The following SRGAP2 variants were observed in gnomAD, a reference collection of about 807,000 sequenced individuals.
SRGAP2 encodes SLIT-ROBO Rho GTPase-activating protein 2.
SRGAP2 carries 15 observed loss-of-function variants against 57.2 expected under a neutral mutation model. That is an observed-to-expected ratio of 0.26 (90% CI 0.18 to 0.40). The LOEUF is 0.40. Among genes scored for constraint, SRGAP2 ranks in the 10% least tolerant of loss-of-function variants. The pLI, the probability that SRGAP2 is intolerant of heterozygous loss-of-function variation, is 1.00. For synonymous variants in SRGAP2, 249 were observed against 248.0 expected (o/e 1.00, Z -0.04); for missense variants, 520 against 669.6 (o/e 0.78, Z 2.47).
chr1:206,369,540 CT>C (rs1448505007), intron 4 of SRGAP2, among the ~76,000 whole-genome samples: 2 of 152,178 alleles, frequency 1.3e-5, no homozygotes, highest in Non-Finnish European at 2.9e-5. Context: ...ATAAAGAATT[CT>C]TAGAACTCAG....
At chr1:206,428,092 A>G (rs558070383) in intron 13 of SRGAP2, among the ~76,000 whole-genome samples, 1 of 151,052 alleles carries the variant, frequency 6.6e-6, no homozygotes, top group Admixed American at 6.6e-5. Flanking sequence ...ACAGAGGGAA[A>G]CCCTGTCTCT....
Position 206,364,299 on chromosome 1 carries a change from CT to C in SRGAP2, c.424-19695del, listed in dbSNP as rs1194605542. On this transcript the variant is annotated intron_variant, in intron 4 of 22. Transcript: ENST00000573034. ...TCTATATAACCTCTGGGTTGCTCTT[CT>C]TTTTTTTTTTTTTTTTTTTGAGATG... Among the ~76,000 whole-genome samples the C allele has an allele frequency of 3.5e-3, 415 of 118,582 alleles. 1 individual carries two copies. The highest frequency in any genetic ancestry group is 0.011 in the African/African-American group (342 of 30,038). 77.8% of individuals were successfully genotyped at this position (118,582 alleles called of 152,430 possible).
At chr1:206,227,052 G>A in intron 2 of SRGAP2, among the ~76,000 whole-genome samples, 1 of 152,138 alleles carries the variant, frequency 6.6e-6, no homozygotes, top group East Asian at 1.9e-4. Flanking sequence ...GCCAAGTTGA[G>A]CACATTGGGG....
At chr1:206,314,210 C>A (rs1672900214) in intron 3 of SRGAP2, among the ~76,000 whole-genome samples, 1 of 151,316 alleles carries the variant, frequency 6.6e-6, no homozygotes, top group Admixed American at 6.6e-5. Flanking sequence ...TCTCAGCTCA[C>A]TGCATCCTCT....
rs201701137 is a variant in SRGAP2, at chr1:206,262,881, G to T, written c.68-40400G>T. On this transcript the variant is annotated intron_variant, in intron 2 of 22. Transcript: ENST00000573034. Reference sequence around the variant, plus strand: ...TGAACAGGGTTTTATCGTGGGTTTTGTTTTTTTTTTTTTTGTCTTCTGAAA... The same window carrying T: ...TGAACAGGGTTTTATCGTGGGTTTTTTTTTTTTTTTTTTTGTCTTCTGAAA... Among the ~76,000 whole-genome samples, 211 of 63,508 alleles carry T rather than the reference G, an allele frequency of 3.3e-3. 9 individuals are homozygous for T. The highest frequency in any genetic ancestry group is 6.5e-3 in the Admixed American group (42 of 6,448). The allele number at this position is 63,508 out of a possible 152,430, so 41.7% of individuals were successfully genotyped here. A position where few individuals can be genotyped will look rare whatever the true frequency, so the allele number is the denominator to read the frequency against.
At chr1:206,360,600 A>T (rs1676834816) in intron 4 of SRGAP2, among the ~76,000 whole-genome samples, 1 of 152,222 alleles carries the variant, frequency 6.6e-6, no homozygotes, top group African/African-American at 2.4e-5. Flanking sequence ...ATTCTGGGAT[A>T]TATTTTGAAG....
At chr1:206,327,622 A>G (rs1465835556) in intron 3 of SRGAP2, among the ~76,000 whole-genome samples, 1 of 122,020 alleles carries the variant, frequency 8.2e-6, no homozygotes, top group Admixed American at 8.5e-5. Flanking sequence ...CATGTGTGTT[A>G]GGCAGGGCAG....
rs116340034 is a variant in SRGAP2, at chr1:206,429,213, T to C, written c.1495-949T>C. ...GTGAAGCAAAACAACAGAGCAAAGA[T>C]TGACATCTGGGAGGCCTGCTTCTTT... On this transcript the variant is annotated intron_variant, in intron 13 of 22. Coordinates refer to ENST00000573034, the MANE Select transcript of SRGAP2 (RefSeq NM_015326.5). 9.9e-3 allele frequency among the ~76,000 whole-genome samples: 1,504 copies of C among 152,284 alleles called. 32 individuals are homozygous for C. Among genetic ancestry groups the C allele is most frequent in the African/African-American group, 0.035 (1,435 of 41,544 alleles).
intron 2 of SRGAP2, among the ~76,000 whole-genome samples, chr1:206,298,826 G>A (rs1671726007): frequency 6.6e-6 from 1 of 152,016 alleles, no homozygotes; most frequent in South Asian, 2.1e-4. Context: ...CGCTATTGAT[G>A]ATTTTTAAAT....
At chr1:206,452,909 A>AAAG (rs1663459423) in intron 19 of SRGAP2, among the ~76,000 whole-genome samples, 12 of 147,438 alleles carry the variant, frequency 8.1e-5, no homozygotes, top group African/African-American at 3.1e-4. Flanking sequence ...AAAAAAAAAA[A>AAAG]TGGGATGCTT....
rs1417608297 is a variant in SRGAP2 at position 206,313,174 on chromosome 1, C to T, written c.260+9701C>T. Among the ~76,000 whole-genome samples, 5 of 142,268 alleles carry T rather than the reference C, an allele frequency of 3.5e-5. No homozygotes were observed. The South Asian group carries it at 1.2e-3, about 34-fold the overall frequency. The allele number at this position is 142,268 out of a possible 152,430, so 93.3% of individuals were successfully genotyped here. A position where few individuals can be genotyped will look rare whatever the true frequency, so the allele number is the denominator to read the frequency against. On this transcript the variant is annotated intron_variant, in intron 3 of 22. Transcript: ENST00000573034. The stretch of plus-strand genomic sequence containing the variant: ...GTCAGTATCTTTTCAGCGTTTCTCC[C>T]AGCTTCTTTCTCTCCTCAACACATA...
Position 206,432,467 on chromosome 1 carries a change from C to T in SRGAP2, c.1555+2245C>T, listed in dbSNP as rs188395205. On this transcript the variant is annotated intron_variant, in intron 14 of 22. Transcript: ENST00000573034. Reference sequence around the variant, plus strand: ...ATCTCCAACAATACAAAAATGCATGCGCACAAGGTTATTTGTGACAGCATT... The same window carrying T: ...ATCTCCAACAATACAAAAATGCATGTGCACAAGGTTATTTGTGACAGCATT... 2.9e-4 allele frequency among the ~76,000 whole-genome samples: 44 copies of T among 152,238 alleles called. 1 individual carries two copies. The East Asian group carries it at 6.8e-3, about 23-fold the overall frequency.
At chr1:206,262,472 G>A (rs1320433891) in intron 2 of SRGAP2, among the ~76,000 whole-genome samples, 1 of 150,312 alleles carries the variant, frequency 6.7e-6, no homozygotes, top group African/African-American at 2.5e-5. Flanking sequence ...GGTACTTCTG[G>A]CAGTAAATCA....
At chr1:206,332,174 A>G (rs1674406269) in intron 3 of SRGAP2, among the ~76,000 whole-genome samples, 1 of 115,394 alleles carries the variant, frequency 8.7e-6, no homozygotes, top group South Asian at 3.4e-4. Context: ...CTGCCGAGAG[A>G]TCCGCTGTTA....
At chr1:206,420,442 C>T (rs560450420) in intron 12 of SRGAP2, among the ~76,000 whole-genome samples, 4 of 152,216 alleles carry the variant, frequency 2.6e-5, no homozygotes, top group South Asian at 4.2e-4. Flanking sequence ...TTGAATTTCC[C>T]GGTGCTGAGT....
At chr1:206,449,583 G>A (rs1553375133) in intron 18 of SRGAP2, among the ~76,000 whole-genome samples, 1 of 151,608 alleles carries the variant, frequency 6.6e-6, no homozygotes, top group African/African-American at 2.4e-5. Context: ...GACCTACCCT[G>A]AATGATTTTA....
chr1:206,208,938 T>C (rs1473663870), intron 2 of SRGAP2, among the ~76,000 whole-genome samples: 1 of 151,746 alleles, frequency 6.6e-6, no homozygotes, highest in Non-Finnish European at 1.5e-5. Flanking sequence ...AGTTTCCTTA[T>C]TTGGAAAATA....
At chr1:206,420,600 G>A (rs1553364008) in intron 12 of SRGAP2, among the ~76,000 whole-genome samples, 1 of 152,170 alleles carries the variant, frequency 6.6e-6, no homozygotes, top group Non-Finnish European at 1.5e-5. Context: ...GGGGCAGAGC[G>A]ATGACCAGCA....
chr1:206,458,252 A>AG (rs1284493771), intron 21 of SRGAP2: 1 of 445,894 alleles, frequency 2.2e-6, no homozygotes, highest in Admixed American at 3.0e-5. Flanking sequence ...GGTGATGGTG[A>AG]GACTTCTTCT....
Sources: gnomAD v4.1 joint callset for allele counts (sites outside exome capture counted in the v4.1 genomes callset) on GRCh38, gnomAD v4.1.1 for gene constraint, MANE v1.5 for transcripts, NCBI Gene and HGNC (gene_info 2026-07-23, HGNC 2026-07-21) for gene names.